The following CCDC88C variants were observed in gnomAD, a reference collection of about 807,000 sequenced individuals.
The protein encoded by CCDC88C is coiled-coil and HOOK domain protein 88C, also known as protein Daple.
Under a neutral mutation model 198.8 loss-of-function variants are expected in CCDC88C, and 131 were observed. The ratio of observed to expected loss-of-function variants is 0.66; its 90% CI spans 0.57 to 0.76. The LOEUF (loss-of-function observed/expected upper bound fraction) is 0.76, where lower values mean the gene tolerates loss of function less well. Among genes scored for constraint, CCDC88C ranks in the 30% least tolerant of loss-of-function variants. The pLI is 0.00. For missense variants in CCDC88C, 2,553 were observed against 2,631.6 expected (o/e 0.97, Z 0.65); for synonymous variants, 1,166 against 1,114.7 (o/e 1.05, Z -0.92).
intron 29 of CCDC88C, among the ~76,000 whole-genome samples, chr14:91,275,512 G>T: frequency 6.7e-6 from 1 of 149,308 alleles, no homozygotes; most frequent in Non-Finnish European, 1.5e-5. Flanking sequence ...GAGTCTCACT[G>T]TGTTGCCCAG....
chr14:91,300,592 G>T (rs1196301689), intron 20 of CCDC88C, among the ~76,000 whole-genome samples: 2 of 152,136 alleles, frequency 1.3e-5, no homozygotes, highest in Non-Finnish European at 2.9e-5. Flanking sequence ...TTCCCCAGGG[G>T]ACAGAGGCTC....
At chr14:91,318,600 A>C (rs1892208927) in intron 13 of CCDC88C, among the ~76,000 whole-genome samples, 1 of 152,166 alleles carries the variant, frequency 6.6e-6, no homozygotes, top group Non-Finnish European at 1.5e-5. Flanking sequence ...AACTCAAGGG[A>C]CCAGTTCCCA....
chr14:91,277,855 T>A, intron 29 of CCDC88C, 67 bp downstream of exon 29: 1 of 1,435,186 alleles, frequency 7.0e-7, no homozygotes, highest in South Asian at 1.5e-5. Flanking sequence ...TCTGCAGCTA[T>A]GATCTTGAGC....
rs1180555624 is a variant in CCDC88C, at chr14:91,284,893, G to A, written c.4442-1376C>T. Among the ~76,000 whole-genome samples the A allele has an allele frequency of 6.6e-6, 1 of 152,210 alleles. No homozygotes were observed. Among genetic ancestry groups the A allele is most frequent in the Non-Finnish European group, 1.5e-5 (1 of 68,042 alleles). On this transcript the variant is annotated intron_variant, in intron 25 of 29. Coordinates refer to ENST00000389857, the MANE Select transcript of CCDC88C (RefSeq NM_001080414.4). The surrounding 1 kb of genome is among the most constrained non-coding windows in gnomAD (Gnocchi z 4.1). The stretch of plus-strand genomic sequence containing the variant: ...ATCAGGATATGACAAAAATAACGGA[G>A]GTGGTACAGGGATGGCTAGAGACAG...
rs762292474 is a variant in CCDC88C, at chr14:91,303,716, T to A, written c.3620A>T (p.Lys1207Met). The A allele has an allele frequency of 1.9e-6, 3 of 1,595,172 alleles. No individual in the cohort carries two copies. The highest frequency in any genetic ancestry group is 1.7e-5 in the Admixed American group (1 of 57,392). Residue 1207 changes from lysine to methionine, a missense_variant, in exon 20 of 30, where the codon AAG becomes ATG. Physicochemically the swap from Lys to Met is moderately conservative, Grantham distance 95. Coordinates refer to ENST00000389857, the MANE Select transcript of CCDC88C (RefSeq NM_001080414.4). ...CAGGCCCTACCTCTCCCCGAGCTCC[T>A]TGTGCTCCAGCTCCAGATTCCGATG... ...TLHRNLELEH[K>M]ELGERHGDML... is the part of the protein sequence containing the mutation.
chr14:91,372,406 A>C (rs1033940591), intron 3 of CCDC88C, among the ~76,000 whole-genome samples: 22 of 151,540 alleles, frequency 1.5e-4, no homozygotes, highest in African/African-American at 4.6e-4. Flanking sequence ...CAGGCACCTG[A>C]GCTGGGGGCA....
intron 10 of CCDC88C, among the ~76,000 whole-genome samples, chr14:91,335,134 A>T (rs562733813): frequency 6.6e-6 from 1 of 152,116 alleles, no homozygotes; most frequent in Non-Finnish European, 1.5e-5. Flanking sequence ...GAACATGCCC[A>T]TGAAGACACA....
At chr14:91,342,207 G>T in intron 6 of CCDC88C, 173 bp downstream of exon 6, 1 of 420,440 alleles carries the variant, frequency 2.4e-6, no homozygotes, top group South Asian at 7.1e-5. Flanking sequence ...GCTGATTGAT[G>T]GCTATCTTTC....
At chr14:91,342,500 C>T (rs754408913) in intron 5 of CCDC88C, 37 bp from the exon 6 acceptor site, 1 of 1,355,914 alleles carries the variant, frequency 7.4e-7, no homozygotes, top group Non-Finnish European at 1.0e-6. Context: ...AAGCGCTGTT[C>T]AAGTGAGGGT....
At chr14:91,407,126 G>A (rs551988850) in intron 3 of CCDC88C, among the ~76,000 whole-genome samples, 3 of 152,056 alleles carry the variant, frequency 2.0e-5, no homozygotes, top group Admixed American at 6.6e-5. Context: ...AACCATCTCA[G>A]AAAACCCAGG....
At chr14:91,357,392 A>G (rs557602844) in intron 4 of CCDC88C, among the ~76,000 whole-genome samples, 1 of 152,352 alleles carries the variant, frequency 6.6e-6, no homozygotes, top group East Asian at 1.9e-4. Context: ...AGCTAGGACT[A>G]TGAGTGCGTG....
chr14:91,318,673 G>T (rs1412726885), intron 13 of CCDC88C, among the ~76,000 whole-genome samples: 2 of 152,074 alleles, frequency 1.3e-5, no homozygotes, highest in Non-Finnish European at 2.9e-5. Context: ...GGGTGCAGTG[G>T]CTCACATTGG....
At chr14:91,324,953 A>G (rs1301775008) in intron 11 of CCDC88C, 30 bp from the exon 12 acceptor site, 1 of 1,612,162 alleles carries the variant, frequency 6.2e-7, no homozygotes, top group Admixed American at 1.7e-5. Context: ...GCAAGAAGTG[A>G]GGCTGCACAG....
chr14:91,297,524 T>C (rs1184971838), intron 21 of CCDC88C, 33 bp from the exon 22 acceptor site: 5 of 1,546,480 alleles, frequency 3.2e-6, no homozygotes, highest in East Asian at 4.9e-5. Context: ...GCAAAGGAGC[T>C]GAAGAGCCTG....
intron 3 of CCDC88C, among the ~76,000 whole-genome samples, chr14:91,394,161 G>A (rs1316037966): frequency 6.6e-6 from 1 of 152,164 alleles, no homozygotes. Flanking sequence ...AGACAAAGTT[G>A]AAAACAATCA....
At chr14:91,384,932 T>C (rs764286976) in intron 3 of CCDC88C, among the ~76,000 whole-genome samples, 8 of 152,164 alleles carry the variant, frequency 5.3e-5, no homozygotes, top group Admixed American at 6.5e-5. Flanking sequence ...CGGCAAAGGA[T>C]ACTACAGTTC....
chr14:91,304,581 CCTGT>C (rs1891479823), intron 19 of CCDC88C, among the ~76,000 whole-genome samples: 1 of 151,438 alleles, frequency 6.6e-6, no homozygotes, highest in African/African-American at 2.4e-5. Flanking sequence ...AGAGTGAAAC[CCTGT>C]CTCTTACAAT....
intron 3 of CCDC88C, among the ~76,000 whole-genome samples, chr14:91,385,962 G>C (rs1885106761): frequency 6.6e-6 from 1 of 152,128 alleles, no homozygotes; most frequent in Non-Finnish European, 1.5e-5. Flanking sequence ...GCCAGGAGCA[G>C]AATGGCCTGT....
At chr14:91,386,706 C>T (rs906156765) in intron 3 of CCDC88C, among the ~76,000 whole-genome samples, 2 of 152,194 alleles carry the variant, frequency 1.3e-5, no homozygotes, top group African/African-American at 4.8e-5. Context: ...CAGTGTTGGA[C>T]GTGATTGTTC....
Sources: allele counts gnomAD v4.1 joint callset (sites outside exome capture counted in the v4.1 genomes callset), GRCh38; gene constraint gnomAD v4.1.1; non-coding constraint Gnocchi (gnomAD v3.1); transcripts MANE v1.5; gene names NCBI Gene and HGNC (gene_info 2026-07-23, HGNC 2026-07-21).